SLC2A8: variants seen among roughly 807,000 people sequenced by gnomAD.
SLC2A8 encodes solute carrier family 2 member 8.
In SLC2A8, 53 loss-of-function variants were observed where a neutral mutation model predicts 49.2. The ratio of observed to expected loss-of-function variants is 1.08; its 90% CI spans 0.86 to 1.35. The LOEUF is 1.35. Ranked by LOEUF, SLC2A8 falls within the 40% of genes most tolerant of loss-of-function variation. The probability of loss-of-function intolerance (pLI) is 0.00; values close to 1 mark genes in which losing one functional copy is unlikely to be tolerated. For synonymous variants in SLC2A8, 299 were observed against 297.0 expected, an observed-to-expected ratio of 1.01 and a Z score of -0.07; for missense variants, 688 against 671.7, an observed-to-expected ratio of 1.02 and a Z score of -0.27.
Position 127,407,185 on chromosome 9 carries a change from T to C in SLC2A8, c.1370T>C (p.Phe457Ser), listed in dbSNP as rs1833522684. 1 of 1,613,686 alleles carries C rather than the reference T, an allele frequency of 6.2e-7. No homozygotes were observed. Among genetic ancestry groups the C allele is most frequent in the African/African-American group, 1.3e-5 (1 of 75,066 alleles). ...FCIFSVLFTL[F>S]CVPETKGKTL... Reference sequence around the variant, plus strand: ...ATCTTCAGTGTCCTTTTCACTTTGTTCTGTGTCCCTGAAACTAAAGGAAAG... The same window carrying C: ...ATCTTCAGTGTCCTTTTCACTTTGTCCTGTGTCCCTGAAACTAAAGGAAAG... The change falls in exon 10 of 10, where the codon TTC becomes TCC. Residue 457 changes from phenylalanine (F) to serine (S), a missense_variant. Physicochemically the swap from Phe to Ser is radical, Grantham distance 155 (BLOSUM62 -2). Coordinates refer to ENST00000373371, the MANE Select transcript of SLC2A8 (RefSeq NM_014580.5).
chr9:127,398,145 C>A, intron 3 of SLC2A8, 34 bp downstream of exon 3: 4 of 1,549,864 alleles, frequency 2.6e-6, no homozygotes, highest in Non-Finnish European at 3.5e-6. Context: ...TCCTGTCTCG[C>A]GGCCTGAGAC....
Position 127,397,959 on chromosome 9 carries a change from G to A in SLC2A8, c.274G>A (p.Asp92Asn). The change falls in exon 3 of 10, where the codon GAC becomes AAC. Residue 92 changes from aspartate (D) to asparagine (N), a missense_variant. By Grantham distance (23) the Asp-to-Asn change is conservative (BLOSUM62 1). Transcript: ENST00000373371. ...AGGVLGGWLV[D>N]RAGRKLSLLL... ...GGGAGTGCTGGGCGGCTGGCTGGTG[G>A]ACCGCGCCGGGCGCAAGCTGAGCCT... 1 of 1,535,486 alleles carries A rather than the reference G, an allele frequency of 6.5e-7. No homozygotes were observed. The highest frequency in any genetic ancestry group is 8.7e-7 in the Non-Finnish European group (1 of 1,147,088).
rs1138740 is a variant in SLC2A8 at position 127,403,716 on chromosome 9, C to G, written c.780C>G (p.Gly260=). 5 of 1,612,876 alleles carry G rather than the reference C, an allele frequency of 3.1e-6. No homozygotes were observed. The highest frequency in any genetic ancestry group is 4.2e-6 in the Non-Finnish European group (5 of 1,179,838). ...GCATCTACAAGCCCTTCATCATCGG[C>G]GTCTCCCTGATGGCCTTCCAGCAGC... ...QPGIYKPFII[G]VSLMAFQQLS... The change falls in exon 6 of 10, where the codon GGC becomes GGG. Residue 260 remains glycine, a synonymous_variant. Transcript: ENST00000373371.
intron 4 of SLC2A8, among the ~76,000 whole-genome samples, 158 bp downstream of exon 4, chr9:127,400,164 G>GTTTTTTTTTTTTTTTT (rs1564214930): frequency 1.1e-4 from 13 of 113,984 alleles, no homozygotes; most frequent in African/African-American, 4.9e-4. Flanking sequence ...GGATAGGTGA[G>GTTTTTTTTTTTTTTTT]TCTTTTTTTT....
intron 7 of SLC2A8, 48 bp downstream of exon 7, chr9:127,404,115 T>C (rs776110276): frequency 4.5e-6 from 6 of 1,340,640 alleles, no homozygotes; most frequent in Non-Finnish European, 5.3e-6. Flanking sequence ...GGGGAGGGCC[T>C]TCGCCAAGGC....
At position 127,404,074 on chromosome 9, in the gene SLC2A8, G is replaced by T. The variant is rs754930962; in HGVS notation, c.976+7G>T. On this transcript the variant is annotated splice_region_variant and intron_variant, in intron 7 of 9. Coordinates refer to ENST00000373371, the MANE Select transcript of SLC2A8 (RefSeq NM_014580.5). ...CTGCTCCTGGTCTTGTCAGGTGAGGGTTCACCCCTGTGCAGCCTCCCCGCC... is the reference window on the plus strand; with the variant it reads ...CTGCTCCTGGTCTTGTCAGGTGAGGTTTCACCCCTGTGCAGCCTCCCCGCC... 12 of 1,573,596 alleles carry T rather than the reference G, an allele frequency of 7.6e-6. No homozygotes were observed. The highest frequency in any genetic ancestry group is 4.5e-5 in the South Asian group (4 of 88,300).
At position 127,397,262 on chromosome 9, in the gene SLC2A8, C is replaced by T; in HGVS notation, c.32C>T (p.Pro11Leu). 7.0e-7 allele frequency: 1 copy of T among 1,422,254 alleles called. No homozygotes were observed. The highest frequency in any genetic ancestry group is 9.1e-7 in the Non-Finnish European group (1 of 1,097,524). 88.1% of individuals were successfully genotyped at this position (1,422,254 alleles called of 1,614,324 possible). The change falls in exon 1 of 10, where the codon CCG (proline) becomes CTG (leucine). Residue 11 changes from proline to leucine, a missense_variant. Transcript: ENST00000373371. ...CCCGAGGACCCAGAGGAAACCCAGCCGCTTCTGGGGCCTCCTGGCGGCAGG... is the reference window on the plus strand; with the variant it reads ...CCCGAGGACCCAGAGGAAACCCAGCTGCTTCTGGGGCCTCCTGGCGGCAGG... The part of the protein sequence containing the change: MTPEDPEETQ[P>L]LLGPPGGSAP...
In SLC2A8 at chr9:127,407,314, G is replaced by T; in HGVS notation, c.*65G>T. On this transcript the variant is annotated 3_prime_UTR_variant, in exon 10 of 10. Coordinates refer to ENST00000373371, the MANE Select transcript of SLC2A8 (RefSeq NM_014580.5). ...AGCTGGGCCCAAGCCCAGAGCCCCTGCCTGCCCCAGGGGAGCCAGAATCCA... is the reference window on the plus strand; with the variant it reads ...AGCTGGGCCCAAGCCCAGAGCCCCTTCCTGCCCCAGGGGAGCCAGAATCCA... 6.3e-7 allele frequency: 1 copy of T among 1,599,210 alleles called. No individual in the cohort carries two copies. The highest frequency in any genetic ancestry group is 8.6e-7 in the Non-Finnish European group (1 of 1,169,060).
At chr9:127,402,840 G>T (rs1564217150) in intron 5 of SLC2A8, 87 bp downstream of exon 5, 1 of 1,413,340 alleles carries the variant, frequency 7.1e-7, no homozygotes, top group South Asian at 1.5e-5. Flanking sequence ...ACACACTTGG[G>T]GGGTGGGGGA....
chr9:127,398,085 TG>T lies in SLC2A8; in HGVS notation c.401del (p.Cys134SerfsTer6). On this transcript the variant is annotated frameshift_variant, in exon 3 of 10. Coordinates refer to ENST00000373371, the MANE Select transcript of SLC2A8 (RefSeq NM_014580.5). LOFTEE classifies it high-confidence loss of function. ...GGGCCGCCTCCTCACCGGCCTGGCC[TG>T]CGGTGTTGCCTCCCTAGTGGCCCCG... ...LGGRLLTGLACGVASLVAPVY... is the reference protein window; with the variant it reads ...LGGRLLTGLAXGVASLVAPVY... 1 of 1,584,422 alleles carries T rather than the reference TG, an allele frequency of 6.3e-7. No individual in the cohort carries two copies. The highest frequency in any genetic ancestry group is 1.1e-5 in the South Asian group (1 of 88,328).
chr9:127,400,021 A>T lies in SLC2A8; in HGVS notation c.526+15A>T. 6.2e-7 allele frequency: 1 copy of T among 1,608,552 alleles called. No individual in the cohort carries two copies. The highest frequency in any genetic ancestry group is 1.1e-5 in the South Asian group (1 of 90,956). Reference sequence around the variant, plus strand: ...CTACCTGGCAGGTATAGTTGTCATTATCTCTTGCTTCCTGTTTGTGGTCAT... The same window carrying T: ...CTACCTGGCAGGTATAGTTGTCATTTTCTCTTGCTTCCTGTTTGTGGTCAT... On this transcript the variant is annotated intron_variant, in intron 4 of 9. Coordinates refer to ENST00000373371, the MANE Select transcript of SLC2A8 (RefSeq NM_014580.5).
chr9:127,407,757 ATGGTCAG>A lies in SLC2A8; in HGVS notation c.*509_*515del. On this transcript the variant is annotated 3_prime_UTR_variant, in exon 10 of 10. Coordinates refer to ENST00000373371, the MANE Select transcript of SLC2A8 (RefSeq NM_014580.5). ...GGACACCCTGTGGCTTTACTTGCTC[ATGGTCAG>A]CCAAGCTTACCCTTCACACTGAGAA... The A allele has an allele frequency of 5.6e-6, 1 of 178,176 alleles. No individual in the cohort carries two copies. Among genetic ancestry groups the A allele is most frequent in the Admixed American group, 5.5e-5 (1 of 18,186 alleles). The allele number at this position is 178,176 out of a possible 1,614,324, so 11.0% of individuals were successfully genotyped here. A position where few individuals can be genotyped will look rare whatever the true frequency, so the allele number is the denominator to read the frequency against.
At chr9:127,403,594 C>G in intron 5 of SLC2A8, 66 bp from the exon 6 acceptor site, 1 of 1,599,890 alleles carries the variant, frequency 6.3e-7, no homozygotes, top group Non-Finnish European at 8.5e-7. Context: ...GACAGTAGAC[C>G]CCCAGAGGGG....
rs1833457979 is a variant in SLC2A8, at chr9:127,405,431, G to C, written c.1162G>C (p.Gly388Arg). Residue 388 changes from glycine (G) to arginine (R), a missense_variant, in exon 9 of 10, where the codon GGC (glycine) becomes CGC (arginine). By Grantham distance (125) the Gly-to-Arg change is moderately radical. Transcript: ENST00000373371. ...MCLFIAGFAVGWGPIPWLLMS... is the reference protein window; with the variant it reads ...MCLFIAGFAVRWGPIPWLLMS... ...TCTCGCTCCCACAGGCTTTGCGGTG[G>C]GCTGGGGGCCCATCCCCTGGCTCCT... The C allele has an allele frequency of 8.1e-6, 13 of 1,612,638 alleles. No homozygotes were observed. The highest frequency in any genetic ancestry group is 1.1e-5 in the Non-Finnish European group (13 of 1,179,980).
intron 2 of SLC2A8, 115 bp from the exon 3 acceptor site, chr9:127,397,790 C>G (rs1225076674): frequency 3.3e-6 from 4 of 1,203,322 alleles, no homozygotes; most frequent in South Asian, 3.3e-5. Context: ...TACCCCTCCC[C>G]TCGGGACGGG....
chr9:127,403,812 GC>G lies in SLC2A8; in HGVS notation c.867+12del. On this transcript the variant is annotated intron_variant, in intron 6 of 9. Transcript: ENST00000373371. Reference sequence around the variant, plus strand: ...AAGAGGCCAAGTTCAAGGTAAAAGGGCCCTGCCTGGCCTGCCTCGTCCAGCC... The same window carrying G: ...AAGAGGCCAAGTTCAAGGTAAAAGGGCCTGCCTGGCCTGCCTCGTCCAGCC... 6.2e-7 allele frequency: 1 copy of G among 1,610,814 alleles called. No individual in the cohort carries two copies. Among genetic ancestry groups the G allele is most frequent in the Non-Finnish European group, 8.5e-7 (1 of 1,178,432 alleles).
intron 2 of SLC2A8, 54 bp downstream of exon 2, chr9:127,397,592 G>C: frequency 7.3e-7 from 1 of 1,365,550 alleles, no homozygotes; most frequent in Admixed American, 3.9e-5. Flanking sequence ...CTCCTCTCGG[G>C]ACGGGCATCG....
Position 127,404,011 on chromosome 9 carries a change from C to T in SLC2A8, c.920C>T (p.Ala307Val), listed in dbSNP as rs1833395549. 1 of 1,607,786 alleles carries T rather than the reference C, an allele frequency of 6.2e-7. No homozygotes were observed. Among genetic ancestry groups the T allele is most frequent in the African/African-American group, 1.3e-5 (1 of 74,822 alleles). Residue 307 changes from alanine (A) to valine (V), a missense_variant, in exon 7 of 10, where the codon GCT (alanine) becomes GTT (valine). Transcript: ENST00000373371. ...VVGVIQVLFT[A>V]VAALIMDRAG... ...GGTGTCATCCAGGTGCTGTTCACAG[C>T]TGTGGCGGCTCTCATCATGGACAGA...
At position 127,397,966 on chromosome 9, in the gene SLC2A8, C is replaced by G. The variant is rs1380343276; in HGVS notation, c.281C>G (p.Ala94Gly). The change falls in exon 3 of 10, where the codon GCC becomes GGC. Residue 94 changes from alanine (A) to glycine (G), a missense_variant. Ala to Gly is a moderately conservative substitution (Grantham distance 60). Coordinates refer to ENST00000373371, the MANE Select transcript of SLC2A8 (RefSeq NM_014580.5). ...GVLGGWLVDR[A>G]GRKLSLLLCS... ...CTGGGCGGCTGGCTGGTGGACCGCG[C>G]CGGGCGCAAGCTGAGCCTCTTGCTG... 1.3e-6 allele frequency: 2 copies of G among 1,536,502 alleles called. No individual in the cohort carries two copies. Among genetic ancestry groups the G allele is most frequent in the South Asian group, 2.4e-5 (2 of 84,186 alleles).
Sources: allele counts gnomAD v4.1 joint callset (sites outside exome capture counted in the v4.1 genomes callset), GRCh38; gene constraint gnomAD v4.1.1; transcripts MANE v1.5; gene names NCBI Gene and HGNC (gene_info 2026-07-23, HGNC 2026-07-21).